Variants in FLT3LG observed in about 807,000 individuals in gnomAD.
FLT3LG encodes the protein fms-related tyrosine kinase 3 ligand.
In FLT3LG, 8 loss-of-function variants were observed where a neutral mutation model predicts 30.9. That is an observed-to-expected ratio of 0.26 (90% CI 0.15 to 0.47). FLT3LG has a LOEUF of 0.47. Ranked by LOEUF, FLT3LG falls within the 20% of genes least tolerant of loss-of-function variation. FLT3LG has a pLI of 0.99. For missense variants in FLT3LG, 278 were observed against 306.2 expected (o/e 0.91, Z 0.69); for synonymous variants, 123 against 135.9 (o/e 0.91, Z 0.66).
intron 5 of FLT3LG, among the ~76,000 whole-genome samples, chr19:49,478,480 T>A (rs1416686581): frequency 6.9e-6 from 1 of 144,418 alleles, no homozygotes; most frequent in African/African-American, 2.6e-5. Context: ...AATAAATAAA[T>A]AAATAAATAT....
chr19:49,474,893 A>G, intron 2 of FLT3LG, among the ~76,000 whole-genome samples: 1 of 103,260 alleles, frequency 9.7e-6, no homozygotes, highest in Non-Finnish European at 1.8e-5. Flanking sequence ...GAGATAGAGG[A>G]GAGGGAGATA....
Position 49,478,986 on chromosome 19 carries a change from G to C in FLT3LG, c.420G>C (p.Ala140=). The change falls in exon 6 of 9, where the codon GCG becomes GCC. Residue 140 remains alanine (A), a synonymous_variant. Coordinates refer to ENST00000597551, the MANE Select transcript of FLT3LG (RefSeq NM_001459.4). ...AGGAGACCTCCGAGCAGCTGGTGGC[G>C]CTGAAGCCCTGGATCACTCGCCAGA... ...LLQETSEQLV[A]LKPWITRQNF... 1 of 1,602,988 alleles carries C rather than the reference G, an allele frequency of 6.2e-7. No individual in the cohort carries two copies. Among genetic ancestry groups the C allele is most frequent in the Non-Finnish European group, 8.5e-7 (1 of 1,174,816 alleles).
chr19:49,485,107 A>G (rs2079757338), intron 8 of FLT3LG, among the ~76,000 whole-genome samples: 1 of 152,086 alleles, frequency 6.6e-6, no homozygotes, highest in South Asian at 2.1e-4. Flanking sequence ...TCCAGCCTCA[A>G]ACTCCTGGAC....
At position 49,476,052 on chromosome 19, in the gene FLT3LG, C is replaced by T; in HGVS notation, c.145-93C>T. 2.1e-6 allele frequency: 3 copies of T among 1,416,734 alleles called. No homozygotes were observed. Among genetic ancestry groups the T allele is most frequent in the South Asian group, 2.3e-5 (2 of 87,054 alleles). 87.8% of individuals were successfully genotyped at this position (1,416,734 alleles called of 1,614,324 possible). ...GGGCTCCCCCTCTCTTGGTCTTGTC[C>T]CTCTCTCTCTGGATCTCTGCTGCCA... is the stretch of plus-strand genomic sequence containing the variant. On this transcript the variant is annotated intron_variant, in intron 3 of 8. Transcript: ENST00000597551. This position sits in a 1 kb window ranked among gnomAD's most constrained non-coding sequence, Gnocchi z 5.3.
intron 2 of FLT3LG, among the ~76,000 whole-genome samples, chr19:49,475,355 T>C (rs1400605280): frequency 6.7e-6 from 1 of 148,376 alleles, no homozygotes; most frequent in African/African-American, 2.5e-5. Flanking sequence ...AACAGTGGTG[T>C]AGAAGGCAGA....
rs893419657 is a variant in FLT3LG, at chr19:49,476,733, C to T, written c.342+167C>T. On this transcript the variant is annotated intron_variant, in intron 5 of 8. Transcript: ENST00000597551. This position sits in a 1 kb window ranked among gnomAD's most constrained non-coding sequence, Gnocchi z 5.3. ...CCTGTTCCTACAGAACAACACGTCCCCAGGCACCGGTGATGGGGAGCAGTC... is the reference window on the plus strand; with the variant it reads ...CCTGTTCCTACAGAACAACACGTCCTCAGGCACCGGTGATGGGGAGCAGTC... The T allele has an allele frequency of 2.8e-5, 24 of 861,972 alleles. No homozygotes were observed. The highest frequency in any genetic ancestry group is 3.9e-5 in the Non-Finnish European group (22 of 571,312). The allele number at this position is 861,972 out of a possible 1,614,324, so 53.4% of individuals were successfully genotyped here.
chr19:49,479,095 C>A (rs1439246502), intron 6 of FLT3LG, 48 bp downstream of exon 6: 5 of 1,560,936 alleles, frequency 3.2e-6, no homozygotes, highest in Non-Finnish European at 4.3e-6. Context: ...GTCCTCACGG[C>A]CGCTCCTCCT....
At chr19:49,484,626 A>G (rs1240997379) in intron 8 of FLT3LG, among the ~76,000 whole-genome samples, 1 of 151,870 alleles carries the variant, frequency 6.6e-6, no homozygotes, top group East Asian at 2.0e-4. Context: ...CCTCCTGAGT[A>G]GCTGGGATTA....
At chr19:49,478,708 G>A (rs2079484829) in intron 5 of FLT3LG, among the ~76,000 whole-genome samples, 1 of 152,210 alleles carries the variant, frequency 6.6e-6, no homozygotes, top group Non-Finnish European at 1.5e-5. Flanking sequence ...GGGAGGCAGA[G>A]GTTGCATTTC....
chr19:49,475,620 G>C (rs759091163), intron 2 of FLT3LG, 71 bp from the exon 3 acceptor site: 1 of 1,549,610 alleles, frequency 6.5e-7, no homozygotes, highest in South Asian at 1.2e-5. Context: ...GAACAGTACA[G>C]GTGGGAAGCC....
Position 49,476,308 on chromosome 19 carries a change from G to C in FLT3LG, c.198+110G>C, listed in dbSNP as rs570181997. 1 of 1,450,302 alleles carries C rather than the reference G, an allele frequency of 6.9e-7. No homozygotes were observed. The highest frequency in any genetic ancestry group is 1.1e-5 in the South Asian group (1 of 87,784). 89.8% of individuals were successfully genotyped at this position (1,450,302 alleles called of 1,614,324 possible). On this transcript the variant is annotated intron_variant, in intron 4 of 8. Coordinates refer to ENST00000597551, the MANE Select transcript of FLT3LG (RefSeq NM_001459.4). The surrounding 1 kb of genome is among the most constrained non-coding windows in gnomAD (Gnocchi z 5.3). ...CTCCCCTCCCCAAACCCAGGAATCA[G>C]AGTCCTCAGCCCCTCCTCCCTCAGA...
At chr19:49,484,119 G>C (rs375143665) in intron 8 of FLT3LG, among the ~76,000 whole-genome samples, 2 of 150,430 alleles carry the variant, frequency 1.3e-5, no homozygotes, top group Non-Finnish European at 3.0e-5. Context: ...TCTTGACCTC[G>C]TGATCTGCCC....
chr19:49,474,266 A>C lies in FLT3LG; in HGVS notation c.-53A>C. 1 of 365,448 alleles carries C rather than the reference A, an allele frequency of 2.7e-6. No homozygotes were observed. The highest frequency in any genetic ancestry group is 5.0e-6 in the Non-Finnish European group (1 of 198,856). The allele number at this position is 365,448 out of a possible 1,614,324, so 22.6% of individuals were successfully genotyped here. ...ACCCGGCTTGGCCCCTTCCACACCC[A>C]ACTGGGGCAAGCCTGGTGCGTGAGG... is the stretch of plus-strand genomic sequence containing the variant. On this transcript the variant is annotated 5_prime_UTR_variant, in exon 1 of 9. Coordinates refer to ENST00000597551, the MANE Select transcript of FLT3LG (RefSeq NM_001459.4).
At position 49,476,092 on chromosome 19, in the gene FLT3LG, C is replaced by T. The variant is rs761702916; in HGVS notation, c.145-53C>T. 6.2e-7 allele frequency: 1 copy of T among 1,603,766 alleles called. No homozygotes were observed. The highest frequency in any genetic ancestry group is 8.5e-7 in the Non-Finnish European group (1 of 1,170,942). On this transcript the variant is annotated intron_variant, in intron 3 of 8. Transcript: ENST00000597551. The surrounding 1 kb of genome is among the most constrained non-coding windows in gnomAD (Gnocchi z 5.3). ...CTCTGCTGCCACCTCTGGGTCCCCA[C>T]AGTTCTGTTTCTCGCTGTTTTCAGC...
rs1568666104 is a variant in FLT3LG, at chr19:49,475,702, C to G, written c.45C>G (p.Leu15=). The change falls in exon 3 of 9, where the codon CTC becomes CTG. Residue 15 remains leucine (L), a synonymous_variant. Coordinates refer to ENST00000597551, the MANE Select transcript of FLT3LG (RefSeq NM_001459.4). ...APAWSPTTYL[L]LLLLLSSGLS... ...CCGCTCCCCTGCAGACCTATCTCCTCCTGCTGCTGCTGCTGAGCTCGGGAC... is the reference window on the plus strand; with the variant it reads ...CCGCTCCCCTGCAGACCTATCTCCTGCTGCTGCTGCTGCTGAGCTCGGGAC... 3.1e-6 allele frequency: 5 copies of G among 1,595,710 alleles called. No individual in the cohort carries two copies. The highest frequency in any genetic ancestry group is 4.5e-5 in the East Asian group (2 of 44,654).
Position 49,476,091 on chromosome 19 carries a change from A to G in FLT3LG, c.145-54A>G. The G allele has an allele frequency of 6.2e-7, 1 of 1,603,712 alleles. No homozygotes were observed. Among genetic ancestry groups the G allele is most frequent in the Non-Finnish European group, 8.5e-7 (1 of 1,171,238 alleles). On this transcript the variant is annotated intron_variant, in intron 3 of 8. Coordinates refer to ENST00000597551, the MANE Select transcript of FLT3LG (RefSeq NM_001459.4). This position sits in a 1 kb window ranked among gnomAD's most constrained non-coding sequence, Gnocchi z 5.3. ...TCTCTGCTGCCACCTCTGGGTCCCC[A>G]CAGTTCTGTTTCTCGCTGTTTTCAG...
In FLT3LG at chr19:49,476,219, C is replaced by G; in HGVS notation, c.198+21C>G. 8 of 1,597,260 alleles carry G rather than the reference C, an allele frequency of 5.0e-6. No homozygotes were observed. The highest frequency in any genetic ancestry group is 4.3e-6 in the Non-Finnish European group (5 of 1,166,916). On this transcript the variant is annotated intron_variant, in intron 4 of 8. Coordinates refer to ENST00000597551, the MANE Select transcript of FLT3LG (RefSeq NM_001459.4). The surrounding 1 kb of genome is among the most constrained non-coding windows in gnomAD (Gnocchi z 5.3). ...AGGACGTAAGTCATGTTGGGAGGGA[C>G]CTGGGATGGAGGTGGGGACCACAGA...
Position 49,474,671 on chromosome 19 carries a change from C to A in FLT3LG, c.32C>A (p.Thr11Lys). MTVLAPAWSP[T>K]TYLLLLLLLS... is the part of the protein sequence containing the mutation. ...GTGCTGGCGCCAGCCTGGAGCCCAACAGTGCGTAAACCCCAGGGACAAGAT... is the reference window on the plus strand; with the variant it reads ...GTGCTGGCGCCAGCCTGGAGCCCAAAAGTGCGTAAACCCCAGGGACAAGAT... The change falls in exon 2 of 9, where the codon ACA (threonine) becomes AAA (lysine). Residue 11 changes from threonine to lysine, a missense_variant and splice_region_variant. This residue lies in a region of FLT3LG where 40 missense variants were observed against 34.3 expected (regional missense o/e 1.17). Coordinates refer to ENST00000597551, the MANE Select transcript of FLT3LG (RefSeq NM_001459.4). 1 of 1,612,122 alleles carries A rather than the reference C, an allele frequency of 6.2e-7. No individual in the cohort carries two copies. The highest frequency in any genetic ancestry group is 8.5e-7 in the Non-Finnish European group (1 of 1,179,596).
intron 8 of FLT3LG, among the ~76,000 whole-genome samples, chr19:49,484,502 T>C (rs2079733716): frequency 6.6e-6 from 1 of 151,564 alleles, no homozygotes; most frequent in East Asian, 1.9e-4. Flanking sequence ...CTTTTGTTGT[T>C]GTTGTTGTTT....
Sources: allele counts gnomAD v4.1 joint callset (sites outside exome capture counted in the v4.1 genomes callset), GRCh38; gene constraint gnomAD v4.1.1; regional missense constraint gnomAD v4.1.1; non-coding constraint Gnocchi (gnomAD v3.1); transcripts MANE v1.5; gene names NCBI Gene and HGNC (gene_info 2026-07-23, HGNC 2026-07-21).